Variants in RBMS1 observed in about 807,000 individuals in gnomAD.
RBMS1 encodes the protein RNA binding motif single stranded interacting protein 1, also known as RNA-binding motif, single-stranded-interacting protein 1.
Under a neutral mutation model 62.3 loss-of-function variants are expected in RBMS1, and 17 were observed. The ratio of observed to expected loss-of-function variants is 0.27; its 90% CI spans 0.19 to 0.41. The LOEUF (loss-of-function observed/expected upper bound fraction) is 0.41, where lower values mean the gene tolerates loss of function less well. Ranked by LOEUF, RBMS1 falls within the 10% of genes least tolerant of loss-of-function variation. The pLI is 1.00. For missense variants in RBMS1, 334 were observed against 504.5 expected (o/e 0.66, Z 3.24); for synonymous variants, 172 against 170.0 (o/e 1.01, Z -0.09).
At chr2:160,335,440 G>T (rs1401691666) in intron 2 of RBMS1, among the ~76,000 whole-genome samples, 1 of 152,142 alleles carries the variant, frequency 6.6e-6, no homozygotes, top group African/African-American at 2.4e-5. Flanking sequence ...AACTCCTAGA[G>T]AACTGTTCAA....
At chr2:160,385,630 C>T (rs768331366) in intron 1 of RBMS1, among the ~76,000 whole-genome samples, 3 of 152,126 alleles carry the variant, frequency 2.0e-5, no homozygotes, top group Admixed American at 6.5e-5. Context: ...CAGGATGTGA[C>T]GTGATGAAAT....
At chr2:160,339,191 T>C (rs1207939770) in intron 2 of RBMS1, among the ~76,000 whole-genome samples, 1 of 152,184 alleles carries the variant, frequency 6.6e-6, no homozygotes, top group Non-Finnish European at 1.5e-5. Flanking sequence ...TTCTATTGCA[T>C]GTCATCTAAC....
At chr2:160,410,035 A>G (rs1408141418) in intron 1 of RBMS1, among the ~76,000 whole-genome samples, 1 of 152,048 alleles carries the variant, frequency 6.6e-6, no homozygotes, top group African/African-American at 2.4e-5. Context: ...ATCCAGGCTA[A>G]CACGGTGAAA....
intron 6 of RBMS1, among the ~76,000 whole-genome samples, chr2:160,297,886 G>C (rs1169795695): frequency 6.6e-6 from 1 of 152,200 alleles, no homozygotes; most frequent in Non-Finnish European, 1.5e-5. Flanking sequence ...AAGGGCTCCT[G>C]TCACCTTTGG....
intron 6 of RBMS1, among the ~76,000 whole-genome samples, chr2:160,300,234 T>C (rs1052575333): frequency 6.6e-6 from 1 of 152,134 alleles, no homozygotes; most frequent in Non-Finnish European, 1.5e-5. Context: ...GACAACACAA[T>C]GTAAAACCAT....
intron 1 of RBMS1, among the ~76,000 whole-genome samples, chr2:160,370,762 C>G (rs1417061649): frequency 1.3e-5 from 2 of 152,188 alleles, no homozygotes; most frequent in Non-Finnish European, 2.9e-5. Context: ...CTGTGCCCAT[C>G]ATTTTTGCTG....
At chr2:160,327,199 T>A (rs1690983131) in intron 2 of RBMS1, among the ~76,000 whole-genome samples, 1 of 152,190 alleles carries the variant, frequency 6.6e-6, no homozygotes, top group South Asian at 2.1e-4. Context: ...GATCAACACA[T>A]CCTTTGAGAG....
intron 2 of RBMS1, among the ~76,000 whole-genome samples, chr2:160,322,845 C>G (rs12622664): frequency 0.74 from 112,389 of 152,036 alleles, 42,448 homozygotes; most frequent in East Asian, 0.83. Context: ...TGTGGCAATG[C>G]AGTATAGAAC....
intron 1 of RBMS1, among the ~76,000 whole-genome samples, chr2:160,445,493 T>G (rs941535857): frequency 3.3e-5 from 5 of 152,024 alleles, no homozygotes; most frequent in African/African-American, 1.2e-4. Flanking sequence ...TGAAAGGAAT[T>G]ATCAGTGTCT....
At chr2:160,412,349 A>AG (rs1696068237) in intron 1 of RBMS1, among the ~76,000 whole-genome samples, 1 of 152,196 alleles carries the variant, frequency 6.6e-6, no homozygotes, top group Non-Finnish European at 1.5e-5. Context: ...TTTCACAACA[A>AG]CCTTTGAGGT....
Position 160,318,229 on chromosome 2 carries a change from T to TAAAAAAAAAA in RBMS1, c.252-12_252-3dup, listed in dbSNP as rs5835799. On this transcript the variant is annotated splice_polypyrimidine_tract_variant and splice_region_variant and intron_variant, in intron 2 of 13. Transcript: ENST00000348849. ...TTTGTGGAGACTATTTTCCCATATCTAAAAAAAAAAAAAAAAAAAAAAAGG... is the reference window on the plus strand; with the variant it reads ...TTTGTGGAGACTATTTTCCCATATCTAAAAAAAAAAAAAAAAAAAAAAAAAAAAAAAAAGG... 46 of 1,164,688 alleles carry TAAAAAAAAAA rather than the reference T, an allele frequency of 3.9e-5. No homozygotes were observed. Among genetic ancestry groups the TAAAAAAAAAA allele is most frequent in the Middle Eastern group, 3.1e-4 (1 of 3,236 alleles). The allele number at this position is 1,164,688 out of a possible 1,614,324, so 72.1% of individuals were successfully genotyped here. A position where few individuals can be genotyped will look rare whatever the true frequency, so the allele number is the denominator to read the frequency against.
At chr2:160,439,028 A>G (rs1422988141) in intron 1 of RBMS1, among the ~76,000 whole-genome samples, 89 of 138,462 alleles carry the variant, frequency 6.4e-4, no homozygotes, top group Admixed American at 1.6e-3. Context: ...TGACCCCCCA[A>G]TCTCCCTCCT....
At chr2:160,452,628 G>A (rs1684040313) in intron 1 of RBMS1, among the ~76,000 whole-genome samples, 1 of 152,170 alleles carries the variant, frequency 6.6e-6, no homozygotes, top group African/African-American at 2.4e-5. Flanking sequence ...TCTCTTCCAA[G>A]GTGTGCACTT....
At chr2:160,420,807 G>C (rs1696393977) in intron 1 of RBMS1, among the ~76,000 whole-genome samples, 3 of 152,148 alleles carry the variant, frequency 2.0e-5, no homozygotes, top group African/African-American at 7.2e-5. Context: ...GAAAAGATAA[G>C]CATTAACCTC....
At chr2:160,291,060 G>C (rs182161785) in intron 6 of RBMS1, among the ~76,000 whole-genome samples, 1 of 152,306 alleles carries the variant, frequency 6.6e-6, no homozygotes, top group East Asian at 1.9e-4. Flanking sequence ...TGCCTGCTCT[G>C]AGTAAGCACT....
chr2:160,336,421 G>C (rs2105989273), intron 2 of RBMS1, among the ~76,000 whole-genome samples: 1 of 152,160 alleles, frequency 6.6e-6, no homozygotes, highest in East Asian at 1.9e-4. Flanking sequence ...CTAAGAAAGA[G>C]GGAACAGGAT....
intron 1 of RBMS1, among the ~76,000 whole-genome samples, chr2:160,399,793 T>C (rs1214471600): frequency 2.6e-5 from 4 of 152,276 alleles, no homozygotes; most frequent in Middle Eastern, 3.4e-3. Context: ...CAAAGAGATT[T>C]TGTCTTAGAA....
chr2:160,485,552 G>T (rs1276235038), intron 1 of RBMS1, among the ~76,000 whole-genome samples: 1 of 152,078 alleles, frequency 6.6e-6, no homozygotes, highest in African/African-American at 2.4e-5. Context: ...ATTTATTTAT[G>T]AAATGAATTT....
intron 1 of RBMS1, among the ~76,000 whole-genome samples, chr2:160,405,948 A>T (rs1695682209): frequency 6.6e-6 from 1 of 152,096 alleles, no homozygotes; most frequent in Non-Finnish European, 1.5e-5. Context: ...GTTTATTGTA[A>T]ATTGGCTGCA....
Sources: gnomAD v4.1 joint callset for allele counts (sites outside exome capture counted in the v4.1 genomes callset) on GRCh38, gnomAD v4.1.1 for gene constraint, MANE v1.5 for transcripts, NCBI Gene and HGNC (gene_info 2026-07-23, HGNC 2026-07-21) for gene names.